The following GSTT4 variants were observed in gnomAD, a reference collection of about 807,000 sequenced individuals.
GSTT4 encodes glutathione S-transferase theta-4.
At chr22:23,995,668 A>G (rs990442799), downstream of GSTT4, among the ~76,000 whole-genome samples, 25 of 152,288 alleles carry the variant, frequency 1.6e-4, no homozygotes, top group Non-Finnish European at 3.1e-4. Flanking sequence ...CAGCTTGAAC[A>G]CAAGATGGGT....
intron 3 of GSTT4, among the ~76,000 whole-genome samples, chr22:24,000,722 CTAA>C (rs1299291482): frequency 7.1e-6 from 1 of 141,102 alleles, no homozygotes; most frequent in Non-Finnish European, 1.5e-5. Flanking sequence ...CCACACCCAG[CTAA>C]TAATTTTGTA....
the GSTT4 span, among the ~76,000 whole-genome samples, chr22:23,993,262 T>G: frequency 1.6e-4 from 24 of 152,292 alleles, no homozygotes; most frequent in Middle Eastern, 3.4e-3. Context: ...GAGGTCCTGC[T>G]GCGTTGCCCA....
At chr22:24,002,511 G>A (rs587724966) in intron 2 of GSTT4, among the ~76,000 whole-genome samples, 1 of 152,264 alleles carries the variant, frequency 6.6e-6, no homozygotes, top group Non-Finnish European at 1.5e-5. Context: ...AAAAGTGGCA[G>A]GAGAGACAGC....
At chr22:23,997,774 G>C (rs976505867), downstream of GSTT4, among the ~76,000 whole-genome samples, 3 of 152,130 alleles carry the variant, frequency 2.0e-5, no homozygotes, top group Admixed American at 6.5e-5. Context: ...ATTGATTCAA[G>C]ATCATTCTTC....
At chr22:23,993,106 A>G in the GSTT4 span, among the ~76,000 whole-genome samples, 47 of 152,150 alleles carry the variant, frequency 3.1e-4, no homozygotes, top group Non-Finnish European at 5.3e-4. Flanking sequence ...AGTTACCATC[A>G]TTGACAAGGA....
intron 3 of GSTT4, 75 bp from the exon 4 acceptor site, chr22:24,000,326 C>T (rs887188838): frequency 2.0e-5 from 3 of 151,444 alleles, no homozygotes; most frequent in Non-Finnish European, 4.4e-5. Flanking sequence ...TCTCTGTACT[C>T]TTGTCTGCTG....
chr22:23,998,452 TTTTG>T lies in GSTT4; in HGVS notation c.*86_*89del. ...GCAAAGAACAGTTGTTTTTTTGTTT[TTTTG>T]TTTTTTTTTTTTTAACATTTCCTTT... On this transcript the variant is annotated 3_prime_UTR_variant, in exon 5 of 5. Coordinates refer to ENST00000621179, the MANE Select transcript of GSTT4 (RefSeq NM_001358664.2). 3.2e-5 allele frequency: 1 copy of T among 30,926 alleles called. No individual in the cohort carries two copies. The highest frequency in any genetic ancestry group is 8.3e-5 in the Non-Finnish European group (1 of 12,076). 1.9% of individuals were successfully genotyped at this position (30,926 alleles called of 1,614,324 possible).
At chr22:24,004,768 T>G (rs2034314436) in intron 1 of GSTT4, 1 of 152,894 alleles carries the variant, frequency 6.5e-6, no homozygotes, top group Admixed American at 6.5e-5. Context: ...TAGTGAGCAC[T>G]GACTAAGGTA....
At position 23,998,440 on chromosome 22, in the gene GSTT4, GTTTTT is replaced by G. The variant is rs1232729994; in HGVS notation, c.*97_*101del. ...GTTCTTTATTAGGCAAAGAACAGTT[GTTTTT>G]TTGTTTTTTTGTTTTTTTTTTTTTA... is the stretch of plus-strand genomic sequence containing the variant. On this transcript the variant is annotated 3_prime_UTR_variant, in exon 5 of 5. Coordinates refer to ENST00000621179, the MANE Select transcript of GSTT4 (RefSeq NM_001358664.2). The G allele has an allele frequency of 7.1e-6, 1 of 139,912 alleles. No homozygotes were observed. Among genetic ancestry groups the G allele is most frequent in the Non-Finnish European group, 1.5e-5 (1 of 64,672 alleles). The allele number at this position is 139,912 out of a possible 1,614,324, so 8.7% of individuals were successfully genotyped here.
the GSTT4 span, among the ~76,000 whole-genome samples, chr22:23,992,566 T>C: frequency 6.6e-6 from 1 of 151,126 alleles, no homozygotes; most frequent in Non-Finnish European, 1.5e-5. Context: ...TGCACTTGGT[T>C]TAAAGCTTTG....
chr22:23,995,128 T>TGACTTGAACTGCTGATGGTCTTCCA (rs2034103112), downstream of GSTT4, among the ~76,000 whole-genome samples: 2 of 151,048 alleles, frequency 1.3e-5, no homozygotes, highest in Admixed American at 6.6e-5. Context: ...ACAAGTTTTT[T>TGACTTGAACTGCTGATGGTCTTCCA]TTTTGTTTGT....
chr22:24,001,718 G>T (rs1043438793), intron 2 of GSTT4, among the ~76,000 whole-genome samples: 3 of 152,284 alleles, frequency 2.0e-5, no homozygotes, highest in Non-Finnish European at 2.9e-5. Context: ...GGGCACGATG[G>T]CTCACACCTG....
intron 3 of GSTT4, 39 bp downstream of exon 3, chr22:24,001,136 G>A (rs2034221085): frequency 7.1e-6 from 1 of 141,542 alleles, no homozygotes; most frequent in Admixed American, 7.2e-5. Context: ...TGACTTCCCT[G>A]TGCCCGTGTC....
chr22:24,001,659 T>C (rs1460778349), intron 2 of GSTT4, among the ~76,000 whole-genome samples: 1 of 152,262 alleles, frequency 6.6e-6, no homozygotes, highest in African/African-American at 2.4e-5. Flanking sequence ...ACCACTGCAC[T>C]CCAGCTTGGG....
At chr22:23,990,621 G>A in the GSTT4 span, among the ~76,000 whole-genome samples, 3 of 59,112 alleles carry the variant, frequency 5.1e-5, no homozygotes, top group African/African-American at 2.9e-4. Context: ...TTGAGACACT[G>A]TAATAAATAA....
downstream of GSTT4, among the ~76,000 whole-genome samples, chr22:23,995,921 T>C (rs1306181435): frequency 2.0e-5 from 3 of 152,134 alleles, no homozygotes; most frequent in Non-Finnish European, 4.4e-5. Flanking sequence ...TGTGTATTAA[T>C]CTTGTACCCT....
At chr22:23,994,771 C>T (rs1198398207), downstream of GSTT4, among the ~76,000 whole-genome samples, 1 of 152,072 alleles carries the variant, frequency 6.6e-6, no homozygotes, top group Non-Finnish European at 1.5e-5. Flanking sequence ...GCACCAAACG[C>T]ATTGCCTGGT....
the GSTT4 span, chr22:23,991,261 T>G: frequency 1.1e-5 from 1 of 91,746 alleles, no homozygotes; most frequent in East Asian, 2.5e-4. Context: ...TCTGCATTCT[T>G]GGCCCGACTG....
chr22:23,998,456 G>GTTTTTTTTTTTTT lies in GSTT4; in HGVS notation c.*73_*85dup, dbSNP rs11343686. 7.2e-6 allele frequency: 1 copy of GTTTTTTTTTTTTT among 139,060 alleles called. No individual in the cohort carries two copies. Among genetic ancestry groups the GTTTTTTTTTTTTT allele is most frequent in the African/African-American group, 2.9e-5 (1 of 34,754 alleles). 8.6% of individuals were successfully genotyped at this position (139,060 alleles called of 1,614,324 possible). A position where few individuals can be genotyped will look rare whatever the true frequency, so the allele number is the denominator to read the frequency against. Reference sequence around the variant, plus strand: ...AGAACAGTTGTTTTTTTGTTTTTTTGTTTTTTTTTTTTTAACATTTCCTTT... The same window carrying GTTTTTTTTTTTTT: ...AGAACAGTTGTTTTTTTGTTTTTTTGTTTTTTTTTTTTTTTTTTTTTTTTTTAACATTTCCTTT... On this transcript the variant is annotated 3_prime_UTR_variant, in exon 5 of 5. Transcript: ENST00000621179.
Sources: gnomAD v4.1 joint callset for allele counts (sites outside exome capture counted in the v4.1 genomes callset) on GRCh38, gnomAD v4.1.1 for gene constraint, MANE v1.5 for transcripts, NCBI Gene and HGNC (gene_info 2026-07-23, HGNC 2026-07-21) for gene names.